Variants in DNM1L observed in about 807,000 individuals in gnomAD.
The protein encoded by DNM1L is dynamin-1-like protein.
Under a neutral mutation model 92.8 loss-of-function variants are expected in DNM1L, and 33 were observed. The observed-to-expected ratio is 0.36, with a 90% CI of 0.27 to 0.48. The LOEUF (loss-of-function observed/expected upper bound fraction) is 0.48, where lower values mean the gene tolerates loss of function less well. Among genes scored for constraint, DNM1L ranks in the 20% least tolerant of loss-of-function variants. DNM1L has a pLI of 0.99. For missense variants in DNM1L, 485 were observed against 888.8 expected, an observed-to-expected ratio of 0.55 and a Z score of 5.78; for synonymous variants, 284 against 305.0, an observed-to-expected ratio of 0.93 and a Z score of 0.72.
chr12:32,716,639 T>A (rs1953381901), intron 6 of DNM1L, among the ~76,000 whole-genome samples: 1 of 151,384 alleles, frequency 6.6e-6, no homozygotes, highest in Admixed American at 6.6e-5. Flanking sequence ...TACAGATTTT[T>A]GAAATGCTTA....
chr12:32,687,477 CT>C (rs1952061427), intron 1 of DNM1L, among the ~76,000 whole-genome samples: 1 of 152,146 alleles, frequency 6.6e-6, no homozygotes, highest in South Asian at 2.1e-4. Flanking sequence ...GGGTCTCACT[CT>C]GTCACCCAGG....
intron 1 of DNM1L, among the ~76,000 whole-genome samples, chr12:32,686,928 CTTTTTTTTCTTTT>C (rs1952033682): frequency 8.2e-6 from 1 of 121,636 alleles, no homozygotes; most frequent in African/African-American, 3.6e-5. Flanking sequence ...TGTAAGAGTT[CTTTTTTTTCTTTT>C]TTTTTTTTTT....
At chr12:32,717,374 A>T (rs1490929842) in intron 6 of DNM1L, among the ~76,000 whole-genome samples, 12 of 75,952 alleles carry the variant, frequency 1.6e-4, no homozygotes, top group Admixed American at 4.2e-4. Flanking sequence ...TAATATATAT[A>T]CTATATATAA....
At chr12:32,705,945 AT>A (rs750339400) in intron 2 of DNM1L, 265 of 1,257,820 alleles carry the variant, frequency 2.1e-4, no homozygotes, top group South Asian at 7.6e-4. Flanking sequence ...GGCTGTGTGT[AT>A]TTTTTTTTCT....
intron 9 of DNM1L, among the ~76,000 whole-genome samples, chr12:32,730,153 C>T (rs1954453722): frequency 6.6e-6 from 1 of 150,614 alleles, no homozygotes; most frequent in African/African-American, 2.4e-5. Context: ...ATCACGAGGT[C>T]AAGAGATCAA....
chr12:32,695,034 C>G (rs184876200), intron 1 of DNM1L, among the ~76,000 whole-genome samples: 6 of 152,166 alleles, frequency 3.9e-5, no homozygotes, highest in East Asian at 1.9e-4. Flanking sequence ...CCACTCCTCA[C>G]AAGAAGAAGG....
chr12:32,721,878 T>C (rs1342654678), intron 8 of DNM1L, among the ~76,000 whole-genome samples: 1 of 152,190 alleles, frequency 6.6e-6, no homozygotes, highest in Non-Finnish European at 1.5e-5. Context: ...AGGGAAACAC[T>C]ACTTAGCATA....
At chr12:32,729,521 T>G (rs1399164470) in intron 9 of DNM1L, among the ~76,000 whole-genome samples, 4 of 152,102 alleles carry the variant, frequency 2.6e-5, no homozygotes, top group Non-Finnish European at 5.9e-5. Flanking sequence ...AGTGGCACAG[T>G]TTGGGCCAGT....
chr12:32,687,274 T>C (rs1952054136), intron 1 of DNM1L, among the ~76,000 whole-genome samples: 1 of 152,154 alleles, frequency 6.6e-6, no homozygotes, highest in Non-Finnish European at 1.5e-5. Context: ...TTTTGGCTTG[T>C]ATATTTAGGC....
At chr12:32,696,249 A>G (rs1444461383) in intron 1 of DNM1L, among the ~76,000 whole-genome samples, 3 of 152,072 alleles carry the variant, frequency 2.0e-5, no homozygotes, top group Non-Finnish European at 4.4e-5. Context: ...GTAAAGGAAA[A>G]TCAGGGCCAG....
intron 1 of DNM1L, chr12:32,679,797 G>C: frequency 9.7e-7 from 1 of 1,034,410 alleles, no homozygotes; most frequent in Non-Finnish European, 1.2e-6. Context: ...GCGCGGCCTC[G>C]TCCGCGTGCC....
intron 18 of DNM1L, among the ~76,000 whole-genome samples, chr12:32,741,804 G>A (rs1955314366): frequency 6.6e-6 from 1 of 152,150 alleles, no homozygotes; most frequent in African/African-American, 2.4e-5. Context: ...GCAGCCTGGA[G>A]CAATAGGCTA....
chr12:32,731,461 CA>C lies in DNM1L; in HGVS notation c.1307del (p.His436LeufsTer29). On this transcript the variant is annotated frameshift_variant, in exon 11 of 20. Transcript: ENST00000549701. LOFTEE classifies it high-confidence loss of function. This position sits in a 1 kb window ranked among gnomAD's most constrained non-coding sequence, Gnocchi z 5.1. ...EPSLRCVELV[H>X]EEMQRIIQHC... ...CAGCCTCCGCTGTGTGGAACTGGTT[CA>C]TGAGGAAATGCAAAGGATCATTCAG... The C allele has an allele frequency of 6.2e-7, 1 of 1,614,100 alleles. No individual in the cohort carries two copies. Among genetic ancestry groups the C allele is most frequent in the Non-Finnish European group, 8.5e-7 (1 of 1,180,026 alleles).
chr12:32,715,663 C>T (rs1484177169), intron 6 of DNM1L, among the ~76,000 whole-genome samples: 1 of 151,836 alleles, frequency 6.6e-6, no homozygotes, highest in African/African-American at 2.4e-5. Context: ...ACTGTGGAGG[C>T]GAAGGTTACA....
chr12:32,702,518 G>A (rs568965039), intron 2 of DNM1L, among the ~76,000 whole-genome samples: 17 of 152,246 alleles, frequency 1.1e-4, no homozygotes, highest in Middle Eastern at 3.4e-3. Flanking sequence ...TTGCAGCAGA[G>A]TACCATATCT....
chr12:32,688,747 C>A (rs777954618), intron 1 of DNM1L, among the ~76,000 whole-genome samples: 1 of 152,096 alleles, frequency 6.6e-6, no homozygotes, highest in Non-Finnish European at 1.5e-5. Context: ...TTTTCACAGA[C>A]GATAATTCTG....
Position 32,727,363 on chromosome 12 carries a change from A to T in DNM1L, c.1080-3651A>T, listed in dbSNP as rs538252900. 1.8e-5 allele frequency: 14 copies of T among 781,472 alleles called. No individual in the cohort carries two copies. In the Admixed American group the frequency reaches 2.4e-4, roughly 13 times the overall value. The allele number at this position is 781,472 out of a possible 1,614,324, so 48.4% of individuals were successfully genotyped here. ...ACTACCCTAGCTAGGCAGGTTGTCA[A>T]TGTCTGCCATGTTGTAAGAACTCCA... is the stretch of plus-strand genomic sequence containing the variant. On this transcript the variant is annotated intron_variant, in intron 9 of 19. Coordinates refer to ENST00000549701, the MANE Select transcript of DNM1L (RefSeq NM_012062.5).
At position 32,730,998 on chromosome 12, in the gene DNM1L, C is replaced by T. The variant is rs184731250; in HGVS notation, c.1080-16C>T. ...TTTTTGCAATGCCAGAAACCATATACTTCATTGCCTTTCAGATGCGGTGGT... is the reference window on the plus strand; with the variant it reads ...TTTTTGCAATGCCAGAAACCATATATTTCATTGCCTTTCAGATGCGGTGGT... On this transcript the variant is annotated splice_polypyrimidine_tract_variant and intron_variant, in intron 9 of 19. Coordinates refer to ENST00000549701, the MANE Select transcript of DNM1L (RefSeq NM_012062.5). 11,295 of 1,613,590 alleles carry T rather than the reference C, an allele frequency of 7.0e-3. 58 individuals are homozygous for T. The highest frequency in any genetic ancestry group is 7.5e-3 in the Non-Finnish European group (8,896 of 1,179,752).
intron 1 of DNM1L, among the ~76,000 whole-genome samples, chr12:32,690,033 G>A (rs777287154): frequency 7.9e-5 from 12 of 152,188 alleles, no homozygotes; most frequent in Non-Finnish European, 1.5e-4. Flanking sequence ...CCGATTTTCA[G>A]AACAAGCTAG....
Sources: gnomAD v4.1 joint callset for allele counts (sites outside exome capture counted in the v4.1 genomes callset) on GRCh38, gnomAD v4.1.1 for gene constraint, Gnocchi (gnomAD v3.1) non-coding constraint, MANE v1.5 for transcripts, NCBI Gene and HGNC (gene_info 2026-07-23, HGNC 2026-07-21) for gene names.